NKAIN3: variants seen among roughly 807,000 people sequenced by gnomAD.
The protein encoded by NKAIN3 is sodium/potassium transporting ATPase interacting 3.
Under a neutral mutation model 30.2 loss-of-function variants are expected in NKAIN3, and 25 were observed. The observed-to-expected ratio is 0.83, with a 90% CI of 0.60 to 1.16. The LOEUF (loss-of-function observed/expected upper bound fraction) is 1.16. NKAIN3 is among the 50% of genes most tolerant of loss of function. NKAIN3 has a pLI of 0.00. For missense variants in NKAIN3, 225 were observed against 254.1 expected, an observed-to-expected ratio of 0.89 and a Z score of 0.78; for synonymous variants, 91 against 89.6, an observed-to-expected ratio of 1.02 and a Z score of -0.09.
At chr8:62,772,596 T>G (rs1007313534) in intron 4 of NKAIN3, among the ~76,000 whole-genome samples, 69 of 152,136 alleles carry the variant, frequency 4.5e-4, no homozygotes, top group African/African-American at 1.6e-3. Flanking sequence ...GTTGAGCATC[T>G]CTTTATATGT....
chr8:62,712,128 T>A (rs1814742237), intron 3 of NKAIN3, among the ~76,000 whole-genome samples: 1 of 152,162 alleles, frequency 6.6e-6, no homozygotes, highest in Non-Finnish European at 1.5e-5. Context: ...CCAGTGCTTG[T>A]TCTGGTAGAG....
At chr8:62,346,779 G>C (rs7843819) in intron 1 of NKAIN3, among the ~76,000 whole-genome samples, 5,962 of 152,132 alleles carry the variant, frequency 0.039, 425 homozygotes, top group African/African-American at 0.14. Context: ...AACTATAAGA[G>C]TTAGATTGAA....
chr8:62,607,356 G>A (rs1811160076), intron 3 of NKAIN3, among the ~76,000 whole-genome samples: 1 of 152,124 alleles, frequency 6.6e-6, no homozygotes, highest in African/African-American at 2.4e-5. Context: ...CCCTGCTGGG[G>A]CCAACTATGT....
chr8:62,388,136 G>A (rs1460104810), intron 1 of NKAIN3, among the ~76,000 whole-genome samples: 1 of 151,976 alleles, frequency 6.6e-6, no homozygotes, highest in Non-Finnish European at 1.5e-5. Context: ...TACTAATTTG[G>A]TGCTAAAAAA....
Position 62,852,951 on chromosome 8 carries a change from C to A in NKAIN3, c.472-65502C>A, listed in dbSNP as rs138099581. Among the ~76,000 whole-genome samples the A allele has an allele frequency of 9.1e-4, 139 of 152,256 alleles. 1 individual carries two copies. The Middle Eastern group carries it at 0.02, about 22-fold the overall frequency. Reference sequence around the variant, plus strand: ...TTCTGTTGATTTGAGGTGGAGAGTTCTGTAGATGCCTATTAGGTCCACTTG... The same window carrying A: ...TTCTGTTGATTTGAGGTGGAGAGTTATGTAGATGCCTATTAGGTCCACTTG... On this transcript the variant is annotated intron_variant, in intron 4 of 6. Coordinates refer to ENST00000623646, the MANE Select transcript of NKAIN3 (RefSeq NM_001304533.3).
chr8:62,901,308 T>C (rs1475255261), intron 4 of NKAIN3, among the ~76,000 whole-genome samples: 1 of 152,104 alleles, frequency 6.6e-6, no homozygotes, highest in African/African-American at 2.4e-5. Flanking sequence ...TAACAAAAGA[T>C]GGTACTGAAC....
At chr8:62,842,181 C>T (rs1819552165) in intron 4 of NKAIN3, among the ~76,000 whole-genome samples, 1 of 151,838 alleles carries the variant, frequency 6.6e-6, no homozygotes, top group African/African-American at 2.4e-5. Context: ...ATTTCAGTTC[C>T]TTGTATATTT....
intron 4 of NKAIN3, among the ~76,000 whole-genome samples, chr8:62,878,678 A>G: frequency 1.0e-5 from 1 of 100,028 alleles, no homozygotes. Flanking sequence ...CCACCCCACA[A>G]CAGGCCCCAG....
chr8:62,333,365 G>C (rs1815419632), intron 1 of NKAIN3, among the ~76,000 whole-genome samples: 1 of 152,052 alleles, frequency 6.6e-6, no homozygotes, highest in East Asian at 1.9e-4. Flanking sequence ...CTTCATTATA[G>C]TGCATGTCCC....
chr8:62,368,954 A>C (rs933501549), intron 1 of NKAIN3, among the ~76,000 whole-genome samples: 4 of 152,000 alleles, frequency 2.6e-5, no homozygotes, highest in Non-Finnish European at 5.9e-5. Context: ...ATTTATTGAC[A>C]AAATGGTGTC....
At chr8:62,563,626 T>C (rs1809656496) in intron 1 of NKAIN3, among the ~76,000 whole-genome samples, 1 of 152,064 alleles carries the variant, frequency 6.6e-6, no homozygotes, top group Non-Finnish European at 1.5e-5. Flanking sequence ...TTTCCCAGAG[T>C]TAAGCACCAT....
At chr8:62,319,100 G>C (rs1585673756) in intron 1 of NKAIN3, among the ~76,000 whole-genome samples, 1 of 152,272 alleles carries the variant, frequency 6.6e-6, no homozygotes, top group Admixed American at 6.5e-5. Context: ...ATTTCTTCTA[G>C]ATTTTCTAGT....
intron 4 of NKAIN3, among the ~76,000 whole-genome samples, chr8:62,788,667 G>C (rs1817603245): frequency 6.6e-6 from 1 of 151,928 alleles, no homozygotes; most frequent in South Asian, 2.1e-4. Context: ...TATGGTTTTA[G>C]GTCTAACATG....
intron 3 of NKAIN3, among the ~76,000 whole-genome samples, chr8:62,623,660 G>T (rs1441739209): frequency 6.6e-6 from 1 of 152,030 alleles, no homozygotes; most frequent in Non-Finnish European, 1.5e-5. Context: ...TTGAAAGGCA[G>T]GTCTGCTGGC....
At chr8:62,814,433 T>G (rs1175621995) in intron 4 of NKAIN3, among the ~76,000 whole-genome samples, 1 of 152,068 alleles carries the variant, frequency 6.6e-6, no homozygotes, top group Non-Finnish European at 1.5e-5. Context: ...TATACATTTT[T>G]TTCAGCACCA....
chr8:62,492,046 C>T (rs1004649473), intron 1 of NKAIN3, among the ~76,000 whole-genome samples: 2 of 152,006 alleles, frequency 1.3e-5, no homozygotes, highest in Admixed American at 1.3e-4. Context: ...AGAACAGTTT[C>T]CTTAGAGTTG....
intron 4 of NKAIN3, chr8:62,855,613 A>G (rs1820038716): frequency 3.7e-6 from 6 of 1,602,256 alleles, no homozygotes; most frequent in Non-Finnish European, 5.1e-6. Flanking sequence ...CTGCTTGTTC[A>G]GTCTCCATCA....
At chr8:62,755,814 A>G (rs111905310) in intron 4 of NKAIN3, among the ~76,000 whole-genome samples, 50 of 152,322 alleles carry the variant, frequency 3.3e-4, no homozygotes, top group Non-Finnish European at 6.5e-4. Context: ...CAGTTTATCT[A>G]AAGTTCCACT....
intron 1 of NKAIN3, among the ~76,000 whole-genome samples, chr8:62,516,800 C>T (rs1808005945): frequency 6.6e-6 from 1 of 152,046 alleles, no homozygotes; most frequent in Non-Finnish European, 1.5e-5. Context: ...TTCTGAGATT[C>T]TCCCTGTAGA....
Sources: gnomAD v4.1 joint callset for allele counts (sites outside exome capture counted in the v4.1 genomes callset) on GRCh38, gnomAD v4.1.1 for gene constraint, MANE v1.5 for transcripts, NCBI Gene and HGNC (gene_info 2026-07-23, HGNC 2026-07-21) for gene names.